LINC00305: variants seen among roughly 807,000 people sequenced by gnomAD.
LINC00305 encodes long independently transcribed non-coding RNA 305.
At chr18:64,113,007 T>C (rs1372976150) in intron 1 of LINC00305, among the ~76,000 whole-genome samples, 2 of 152,242 alleles carry the variant, frequency 1.3e-5, no homozygotes, top group Admixed American at 6.5e-5. Context: ...GGTTGGAAAC[T>C]GACAGTAAGA....
At chr18:64,142,858 C>G (rs2051470883) in intron 1 of LINC00305, among the ~76,000 whole-genome samples, 1 of 152,022 alleles carries the variant, frequency 6.6e-6, no homozygotes, top group East Asian at 1.9e-4. Flanking sequence ...GGATGCATGC[C>G]ATAGAATAAC....
chr18:64,102,148 A>G (rs2051269883), intron 1 of LINC00305, among the ~76,000 whole-genome samples: 1 of 152,110 alleles, frequency 6.6e-6, no homozygotes, highest in Non-Finnish European at 1.5e-5. Context: ...TTGTCCCATA[A>G]ACATACACAA....
At chr18:64,134,072 T>A (rs2051421988) in intron 1 of LINC00305, among the ~76,000 whole-genome samples, 1 of 152,232 alleles carries the variant, frequency 6.6e-6, no homozygotes. Flanking sequence ...AAAAGATTTT[T>A]AATTTCTTTT....
chr18:64,083,666 T>C (rs2051193051), intron 3 of LINC00305, among the ~76,000 whole-genome samples: 1 of 152,198 alleles, frequency 6.6e-6, no homozygotes. Flanking sequence ...TTAATGCCCT[T>C]ATCTCCAAGT....
chr18:64,140,269 T>C (rs1295490588), intron 1 of LINC00305, among the ~76,000 whole-genome samples: 1 of 152,082 alleles, frequency 6.6e-6, no homozygotes, highest in East Asian at 1.9e-4. Flanking sequence ...AGTGCAGTAG[T>C]GTGATGTCAG....
intron 3 of LINC00305, among the ~76,000 whole-genome samples, chr18:64,092,406 C>T (rs2051228128): frequency 6.6e-6 from 1 of 152,078 alleles, no homozygotes; most frequent in African/African-American, 2.4e-5. Context: ...ACTAAAAATA[C>T]AAAAAATTAG....
intron 3 of LINC00305, among the ~76,000 whole-genome samples, chr18:64,094,048 G>C (rs2051235452): frequency 6.6e-6 from 1 of 152,154 alleles, no homozygotes; most frequent in South Asian, 2.1e-4. Context: ...GCTATACCTG[G>C]GGTCTGTGGG....
intron 3 of LINC00305, among the ~76,000 whole-genome samples, chr18:64,086,313 A>G (rs1185882748): frequency 6.6e-6 from 1 of 152,236 alleles, no homozygotes; most frequent in Non-Finnish European, 1.5e-5. Flanking sequence ...TTAAGTTGGT[A>G]AGATAAATGG....
At chr18:64,144,203 G>T (rs1272199690) in intron 1 of LINC00305, among the ~76,000 whole-genome samples, 1 of 152,182 alleles carries the variant, frequency 6.6e-6, no homozygotes, top group East Asian at 1.9e-4. Context: ...GTTGACTGGA[G>T]TTGGTGAATT....
chr18:64,087,471 A>T (rs2051207652), intron 3 of LINC00305, among the ~76,000 whole-genome samples: 3 of 152,206 alleles, frequency 2.0e-5, no homozygotes, highest in African/African-American at 7.2e-5. Flanking sequence ...TTTGATAATT[A>T]ATATTTAGTA....
intron 1 of LINC00305, among the ~76,000 whole-genome samples, chr18:64,136,226 G>A (rs767861943): frequency 1.3e-5 from 2 of 152,112 alleles, no homozygotes; most frequent in Non-Finnish European, 2.9e-5. Flanking sequence ...GACTTGTTTA[G>A]GTATCTGCCT....
intron 3 of LINC00305, among the ~76,000 whole-genome samples, chr18:64,086,323 G>A (rs140736533): frequency 2.5e-3 from 378 of 152,244 alleles, no homozygotes; most frequent in African/African-American, 8.5e-3. Context: ...AAGATAAATG[G>A]ATATTCTAGA....
intron 1 of LINC00305, among the ~76,000 whole-genome samples, chr18:64,136,118 T>A (rs148769519): frequency 2.0e-5 from 3 of 152,242 alleles, no homozygotes; most frequent in African/African-American, 7.2e-5. Context: ...CTCAGGAGGA[T>A]GGTGTTTTAG....
intron 1 of LINC00305, among the ~76,000 whole-genome samples, chr18:64,139,101 C>T (rs2169266): frequency 0.82 from 125,230 of 152,144 alleles, 51,689 homozygotes; most frequent in Middle Eastern, 0.9. Context: ...TCTTCCTCTG[C>T]GTGCACTCCA....
intron 1 of LINC00305, among the ~76,000 whole-genome samples, chr18:64,125,559 AT>A (rs887837686): frequency 7.3e-5 from 11 of 151,704 alleles, no homozygotes; most frequent in East Asian, 3.9e-4. Context: ...GTATGTCGCA[AT>A]TTTTTTTTAC....
At chr18:64,095,955 C>T (rs922187751) in intron 3 of LINC00305, among the ~76,000 whole-genome samples, 2 of 151,852 alleles carry the variant, frequency 1.3e-5, no homozygotes, top group Non-Finnish European at 2.9e-5. Flanking sequence ...CAATTTTCCC[C>T]ATGAACATTT....
intron 3 of LINC00305, among the ~76,000 whole-genome samples, chr18:64,093,517 A>G (rs940650520): frequency 3.3e-5 from 5 of 152,064 alleles, no homozygotes; most frequent in African/African-American, 1.2e-4. Flanking sequence ...GTGTTTTTAT[A>G]GAGATGGTGT....
intron 1 of LINC00305, among the ~76,000 whole-genome samples, chr18:64,109,318 G>A (rs1362515870): frequency 1.3e-5 from 2 of 152,164 alleles, no homozygotes; most frequent in East Asian, 1.9e-4. Context: ...TGCCTGTAAT[G>A]CAAGATGGTG....
At chr18:64,105,984 C>T (rs951917545) in intron 1 of LINC00305, among the ~76,000 whole-genome samples, 6 of 152,200 alleles carry the variant, frequency 3.9e-5, no homozygotes, top group African/African-American at 1.4e-4. Context: ...TGGGTGCTAC[C>T]CTTTGCAGGA....
Sources: gnomAD v4.1 joint callset for allele counts (sites outside exome capture counted in the v4.1 genomes callset) on GRCh38, gnomAD v4.1.1 for gene constraint, MANE v1.5 for transcripts, NCBI Gene and HGNC (gene_info 2026-07-23, HGNC 2026-07-21) for gene names.